Variants in CCSER1 observed in about 807,000 individuals in gnomAD.
CCSER1 encodes coiled-coil serine rich protein 1, also known as serine-rich coiled-coil domain-containing protein 1.
A neutral mutation model predicts 82.0 loss-of-function variants in CCSER1; 41 were observed. The ratio of observed to expected loss-of-function variants is 0.50; its 90% CI spans 0.39 to 0.65. The LOEUF is 0.65. Ranked by LOEUF, CCSER1 falls within the 30% of genes least tolerant of loss-of-function variation. The pLI, the probability that CCSER1 is intolerant of heterozygous loss-of-function variation, is 0.00. For synonymous variants in CCSER1, 414 were observed against 383.9 expected (o/e 1.08, Z -0.92); for missense variants, 1,119 against 1,064.2 (o/e 1.05, Z -0.72).
chr4:91,380,155 C>T (rs905059026), intron 10 of CCSER1, among the ~76,000 whole-genome samples: 5 of 152,100 alleles, frequency 3.3e-5, no homozygotes, highest in South Asian at 2.1e-4. Flanking sequence ...CTGAGGAGTG[C>T]TTTACTTCCA....
chr4:90,615,837 C>T (rs909651993), intron 5 of CCSER1, among the ~76,000 whole-genome samples: 10 of 152,096 alleles, frequency 6.6e-5, no homozygotes, highest in Non-Finnish European at 1.3e-4. Flanking sequence ...AAGTTTAACT[C>T]TGGGTAAAAT....
intron 10 of CCSER1, among the ~76,000 whole-genome samples, chr4:91,204,492 C>A (rs1438810896): frequency 6.6e-6 from 1 of 151,858 alleles, no homozygotes; most frequent in Non-Finnish European, 1.5e-5. Context: ...TTGTTACTGT[C>A]TTTTCAACTG....
At position 90,781,718 on chromosome 4, in the gene CCSER1, T is replaced by C. The variant is rs184903519; in HGVS notation, c.2011-34044T>C. The C allele has an allele frequency of 1.3e-4, 130 of 968,812 alleles. 1 individual carries two copies. The East Asian group carries it at 0.01, about 78-fold the overall frequency. 60.0% of individuals were successfully genotyped at this position (968,812 alleles called of 1,614,324 possible). On this transcript the variant is annotated intron_variant, in intron 7 of 10. Transcript: ENST00000509176. Reference sequence around the variant, plus strand: ...ATAAAAATATCTGCAATTTTCCCAGTTTTATATAGCCATTGTTTGCAAGTA... The same window carrying C: ...ATAAAAATATCTGCAATTTTCCCAGCTTTATATAGCCATTGTTTGCAAGTA...
chr4:90,220,528 A>G (rs1264473311), intron 1 of CCSER1, among the ~76,000 whole-genome samples: 2 of 152,110 alleles, frequency 1.3e-5, no homozygotes, highest in Non-Finnish European at 2.9e-5. Flanking sequence ...ATTTCTGACA[A>G]CATAACAAAA....
intron 5 of CCSER1, among the ~76,000 whole-genome samples, chr4:90,476,284 T>C (rs1765095091): frequency 6.6e-6 from 1 of 152,150 alleles, no homozygotes; most frequent in Non-Finnish European, 1.5e-5. Flanking sequence ...TAGGAGACTA[T>C]GCCTTCACCA....
intron 10 of CCSER1, among the ~76,000 whole-genome samples, chr4:91,308,068 C>T (rs1009555433): frequency 2.0e-5 from 3 of 152,008 alleles, no homozygotes; most frequent in East Asian, 1.9e-4. Context: ...ATAATCATCC[C>T]ACCCCAAATC....
chr4:91,143,639 A>G (rs748411279), intron 10 of CCSER1, among the ~76,000 whole-genome samples: 11 of 152,050 alleles, frequency 7.2e-5, no homozygotes, highest in Non-Finnish European at 1.5e-4. Flanking sequence ...ATTTTAAAGT[A>G]TGTTACTTCA....
intron 10 of CCSER1, among the ~76,000 whole-genome samples, chr4:91,331,375 G>A (rs781668199): frequency 3.9e-5 from 6 of 151,992 alleles, no homozygotes; most frequent in Non-Finnish European, 8.8e-5. Flanking sequence ...ACCCACTCTT[G>A]CTCATGTAAG....
At chr4:90,293,442 A>T (rs1731295412) in intron 1 of CCSER1, among the ~76,000 whole-genome samples, 1 of 151,556 alleles carries the variant, frequency 6.6e-6, no homozygotes, top group African/African-American at 2.4e-5. Context: ...AATATACTTT[A>T]AGGATTTTGT....
intron 1 of CCSER1, among the ~76,000 whole-genome samples, chr4:90,282,050 C>T (rs1728959811): frequency 6.6e-6 from 1 of 152,020 alleles, no homozygotes; most frequent in African/African-American, 2.4e-5. Context: ...TAGCGCTGTA[C>T]TCAGATACCA....
chr4:90,337,613 T>C (rs879414001), intron 3 of CCSER1, among the ~76,000 whole-genome samples: 42 of 83,700 alleles, frequency 5.0e-4, no homozygotes, highest in Non-Finnish European at 8.2e-4. Flanking sequence ...AATGTAGTTG[T>C]TTTTAATCTT....
At chr4:91,208,482 G>T (rs1369005168) in intron 10 of CCSER1, among the ~76,000 whole-genome samples, 2 of 151,846 alleles carry the variant, frequency 1.3e-5, no homozygotes, top group Non-Finnish European at 2.9e-5. Flanking sequence ...ATCGAATAGG[G>T]AGTCTTTTCC....
intron 10 of CCSER1, among the ~76,000 whole-genome samples, chr4:91,103,749 C>T (rs867097410): frequency 2.5e-4 from 38 of 152,072 alleles, no homozygotes; most frequent in South Asian, 8.3e-4. Context: ...GATTGTAAAA[C>T]GTGTGTTTGA....
chr4:90,985,036 A>T (rs1414676358), intron 9 of CCSER1, among the ~76,000 whole-genome samples: 1 of 151,726 alleles, frequency 6.6e-6, no homozygotes, highest in Admixed American at 6.6e-5. Context: ...CAGGTTTTGG[A>T]TTGGAAAGGA....
intron 5 of CCSER1, among the ~76,000 whole-genome samples, chr4:90,610,185 G>A (rs1037278679): frequency 3.3e-5 from 5 of 151,842 alleles, no homozygotes; most frequent in Admixed American, 2.6e-4. Context: ...CCCAGGAGGC[G>A]GAGCTTGCAG....
At chr4:90,379,634 A>C (rs1314250138) in intron 3 of CCSER1, among the ~76,000 whole-genome samples, 2 of 152,144 alleles carry the variant, frequency 1.3e-5, no homozygotes, top group African/African-American at 4.8e-5. Flanking sequence ...GTGATGATAG[A>C]GTTAAGGTGT....
chr4:91,481,916 A>T (rs995706968), intron 10 of CCSER1, among the ~76,000 whole-genome samples: 6 of 152,106 alleles, frequency 3.9e-5, no homozygotes, highest in African/African-American at 1.4e-4. Flanking sequence ...AAGAACTCAA[A>T]CAAATTTACA....
chr4:90,211,187 G>A (rs563263024), intron 1 of CCSER1, among the ~76,000 whole-genome samples: 97 of 152,266 alleles, frequency 6.4e-4, no homozygotes, highest in African/African-American at 1.9e-3. Flanking sequence ...AAGAATAAAA[G>A]CATTTGAAAT....
At chr4:90,692,037 A>ATG (rs1190485295) in intron 6 of CCSER1, among the ~76,000 whole-genome samples, 7 of 7,220 alleles carry the variant, frequency 9.7e-4, no homozygotes, top group African/African-American at 3.5e-3. Flanking sequence ...CAATGTGTGT[A>ATG]TATATATATA....
Sources: allele counts gnomAD v4.1 joint callset (sites outside exome capture counted in the v4.1 genomes callset), GRCh38; gene constraint gnomAD v4.1.1; transcripts MANE v1.5; gene names NCBI Gene and HGNC (gene_info 2026-07-23, HGNC 2026-07-21).